The following CPSF2 variants were observed in gnomAD, a reference collection of about 807,000 sequenced individuals.
The protein encoded by CPSF2 is cleavage and polyadenylation specificity factor subunit 2.
A neutral mutation model predicts 84.2 loss-of-function variants in CPSF2; 51 were observed. The ratio of observed to expected loss-of-function variants is 0.61; its 90% CI spans 0.48 to 0.77. The LOEUF (loss-of-function observed/expected upper bound fraction) is 0.77, where lower values mean the gene tolerates loss of function less well. CPSF2 is among the 30% of genes least tolerant of loss of function. The pLI is 0.00. For missense variants in CPSF2, 641 were observed against 929.4 expected (o/e 0.69, Z 4.03); for synonymous variants, 286 against 311.9 (o/e 0.92, Z 0.87).
Position 92,157,924 on chromosome 14 carries a change from CT to C in CPSF2, c.1821+45del. The C allele has an allele frequency of 1.4e-6, 2 of 1,389,694 alleles. No individual in the cohort carries two copies. Among genetic ancestry groups the C allele is most frequent in the South Asian group, 1.2e-5 (1 of 86,404 alleles). 86.1% of individuals were successfully genotyped at this position (1,389,694 alleles called of 1,614,324 possible). On this transcript the variant is annotated intron_variant, in intron 13 of 15. Transcript: ENST00000298875. This position sits in a 1 kb window ranked among gnomAD's most constrained non-coding sequence, Gnocchi z 4.0. ...AGTTGCCATTGAGTAGAAATAAGTACTTTTTGTTGCAGGTTAGGACAGATAA... is the reference window on the plus strand; with the variant it reads ...AGTTGCCATTGAGTAGAAATAAGTACTTTTGTTGCAGGTTAGGACAGATAA...
At chr14:92,148,360 G>C (rs143237435) in intron 9 of CPSF2, among the ~76,000 whole-genome samples, 2 of 152,224 alleles carry the variant, frequency 1.3e-5, no homozygotes, top group East Asian at 3.9e-4. Flanking sequence ...TTGCCAGTGT[G>C]TGTTACCTAA....
At chr14:92,136,907 T>G (rs1369761144) in intron 6 of CPSF2, among the ~76,000 whole-genome samples, 2 of 151,996 alleles carry the variant, frequency 1.3e-5, no homozygotes, top group African/African-American at 4.8e-5. Flanking sequence ...TATTGGTGAG[T>G]CTGATCTCTG....
chr14:92,127,604 A>G (rs1278491011), intron 2 of CPSF2, among the ~76,000 whole-genome samples: 1 of 152,190 alleles, frequency 6.6e-6, no homozygotes, highest in African/African-American at 2.4e-5. Context: ...TGGGGGTTGA[A>G]GGGTTAAGAG....
In CPSF2 at chr14:92,162,415, A is replaced by ATT. The variant is rs1030407052; in HGVS notation, c.*673_*674dup. On this transcript the variant is annotated 3_prime_UTR_variant, in exon 16 of 16. Coordinates refer to ENST00000298875, the MANE Select transcript of CPSF2 (RefSeq NM_017437.3). ...TTTCAATGTAAATTATAACACCATC[A>ATT]TTTGAGTATACATAATTCAAAAGAA... 2.0e-5 allele frequency: 3 copies of ATT among 152,620 alleles called. No individual in the cohort carries two copies. Among genetic ancestry groups the ATT allele is most frequent in the African/African-American group, 7.2e-5 (3 of 41,460 alleles). The allele number at this position is 152,620 out of a possible 1,614,324, so 9.5% of individuals were successfully genotyped here.
chr14:92,156,109 G>A (rs2069286066), intron 11 of CPSF2, among the ~76,000 whole-genome samples: 1 of 152,146 alleles, frequency 6.6e-6, no homozygotes, highest in African/African-American at 2.4e-5. Context: ...CCAAGATGGT[G>A]AAACCACATC....
At chr14:92,140,653 C>T (rs549017593) in intron 7 of CPSF2, among the ~76,000 whole-genome samples, 15 of 151,386 alleles carry the variant, frequency 9.9e-5, no homozygotes, top group African/African-American at 3.2e-4. Flanking sequence ...AGGATGGTCT[C>T]GATCTCTTGA....
intron 3 of CPSF2, among the ~76,000 whole-genome samples, chr14:92,133,799 A>G (rs2068965605): frequency 1.3e-5 from 2 of 152,172 alleles, no homozygotes; most frequent in Non-Finnish European, 2.9e-5. Flanking sequence ...TACACACCAT[A>G]TATTTAAGTG....
rs2069439615 is a variant in CPSF2, at chr14:92,165,859, T to TTTTTTTTTTTTTG, written c.*4127_*4128insGTTTTTTTTTTTT. On this transcript the variant is annotated 3_prime_UTR_variant, in exon 16 of 16. Coordinates refer to ENST00000298875, the MANE Select transcript of CPSF2 (RefSeq NM_017437.3). Reference sequence around the variant, plus strand: ...CTTTGTGCTTGGTTTTATATCTTTTTTTTTTTTTTTTTTTTTTTTTGAGAT... The same window carrying TTTTTTTTTTTTTG: ...CTTTGTGCTTGGTTTTATATCTTTTTTTTTTTTTTTTTGTTTTTTTTTTTTTTTTTTTTGAGAT... 1 of 111,208 alleles carries TTTTTTTTTTTTTG rather than the reference T, an allele frequency of 9.0e-6. No homozygotes were observed. The highest frequency in any genetic ancestry group is 3.8e-5 in the African/African-American group (1 of 26,216). The allele number at this position is 111,208 out of a possible 1,614,324, so 6.9% of individuals were successfully genotyped here.
rs1026802073 is a variant in CPSF2, at chr14:92,163,043, A to G, written c.*1299A>G. The G allele has an allele frequency of 1.3e-5, 2 of 152,208 alleles. No individual in the cohort carries two copies. Among genetic ancestry groups the G allele is most frequent in the Admixed American group, 1.3e-4 (2 of 15,272 alleles). The allele number at this position is 152,208 out of a possible 1,614,324, so 9.4% of individuals were successfully genotyped here. On this transcript the variant is annotated 3_prime_UTR_variant, in exon 16 of 16. Transcript: ENST00000298875. ...CTCAGCCTCCCAAGTAGCTGGGACT[A>G]CGGGCACATGCCACTGCACCTGGCT...
chr14:92,131,121 A>AT lies in CPSF2; in HGVS notation c.139dup (p.Ser47PhefsTer10). ...GAGCACTTTTCTATGGATATTATTG[A>AT]TTCCCTGAGGAAGTAAGTTACATTT... On this transcript the variant is annotated frameshift_variant, in exon 3 of 16. Coordinates refer to ENST00000298875, the MANE Select transcript of CPSF2 (RefSeq NM_017437.3). LOFTEE classifies it high-confidence loss of function. 1 of 1,601,940 alleles carries AT rather than the reference A, an allele frequency of 6.2e-7. No individual in the cohort carries two copies.
intron 9 of CPSF2, among the ~76,000 whole-genome samples, chr14:92,149,048 T>C (rs1457669912): frequency 6.6e-6 from 1 of 152,198 alleles, no homozygotes; most frequent in East Asian, 1.9e-4. Context: ...CTCAAAAGTG[T>C]GGTTTGAGGA....
intron 1 of CPSF2, among the ~76,000 whole-genome samples, chr14:92,123,686 A>G (rs1444890039): frequency 6.6e-6 from 1 of 152,240 alleles, no homozygotes; most frequent in Non-Finnish European, 1.5e-5. Flanking sequence ...GGCGCAAGCC[A>G]CTGCGCCCGG....
At chr14:92,139,037 C>T (rs575179285) in intron 7 of CPSF2, among the ~76,000 whole-genome samples, 143 of 152,220 alleles carry the variant, frequency 9.4e-4, no homozygotes, top group African/African-American at 3.3e-3. Context: ...TTTTGCCAGT[C>T]AGTACATAGC....
At chr14:92,128,246 G>GA (rs1382101715) in intron 2 of CPSF2, among the ~76,000 whole-genome samples, 2 of 147,788 alleles carry the variant, frequency 1.4e-5, no homozygotes, top group Non-Finnish European at 3.0e-5. Context: ...AAAAAAAAAA[G>GA]AAAAAAAATG....
rs1270102784 is a variant in CPSF2, at chr14:92,162,623, C to G, written c.*879C>G. 1 of 152,162 alleles carries G rather than the reference C, an allele frequency of 6.6e-6. No individual in the cohort carries two copies. The highest frequency in any genetic ancestry group is 2.4e-5 in the African/African-American group (1 of 41,446). The allele number at this position is 152,162 out of a possible 1,614,324, so 9.4% of individuals were successfully genotyped here. The stretch of plus-strand genomic sequence containing the variant: ...GGTGTAAATGTTTTCATCTCTTAGG[C>G]TTGCTGTCTCCTAAGGTCACCCAAG... On this transcript the variant is annotated 3_prime_UTR_variant, in exon 16 of 16. Transcript: ENST00000298875.
In CPSF2 at chr14:92,166,813, C is replaced by T. The variant is rs2069453110; in HGVS notation, c.*5069C>T. On this transcript the variant is annotated 3_prime_UTR_variant, in exon 16 of 16. Coordinates refer to ENST00000298875, the MANE Select transcript of CPSF2 (RefSeq NM_017437.3). ...TGCCCATGAGTGTATGGGTTTGTTC[C>T]TGGACTTGAAATTATGTTTCATTGA... is the stretch of plus-strand genomic sequence containing the variant. 6.6e-6 allele frequency: 1 copy of T among 152,046 alleles called. No homozygotes were observed. Among genetic ancestry groups the T allele is most frequent in the Admixed American group, 6.6e-5 (1 of 15,252 alleles). The allele number at this position is 152,046 out of a possible 1,614,324, so 9.4% of individuals were successfully genotyped here. A position where few individuals can be genotyped will look rare whatever the true frequency, so the allele number is the denominator to read the frequency against.
chr14:92,161,610 A>T, intron 15 of CPSF2, 42 bp from the exon 16 acceptor site: 1 of 1,368,996 alleles, frequency 7.3e-7, no homozygotes, highest in Non-Finnish European at 1.0e-6. Flanking sequence ...CATATTAATG[A>T]ATAGAAAATG....
At chr14:92,143,859 C>T (rs534955211) in intron 9 of CPSF2, among the ~76,000 whole-genome samples, 1 of 152,070 alleles carries the variant, frequency 6.6e-6, no homozygotes, top group Admixed American at 6.6e-5. Flanking sequence ...TAAACTTTTC[C>T]GTGGTACCCT....
intron 2 of CPSF2, among the ~76,000 whole-genome samples, chr14:92,130,735 CTT>C (rs2068913308): frequency 6.6e-6 from 1 of 151,912 alleles, no homozygotes; most frequent in South Asian, 2.1e-4. Flanking sequence ...CTAAGATTAT[CTT>C]TGTGCTTTTA....
Sources: gnomAD v4.1 joint callset for allele counts (sites outside exome capture counted in the v4.1 genomes callset) on GRCh38, gnomAD v4.1.1 for gene constraint, Gnocchi (gnomAD v3.1) non-coding constraint, MANE v1.5 for transcripts, NCBI Gene and HGNC (gene_info 2026-07-23, HGNC 2026-07-21) for gene names.